The following AMMECR1 variants were observed in gnomAD, a reference collection of about 807,000 sequenced individuals.
AMMECR1 encodes the protein nuclear protein AMMECR1.
In AMMECR1, 3 loss-of-function variants were observed where a neutral mutation model predicts 22.5. The ratio of observed to expected loss-of-function variants is 0.13; its 90% CI spans 0.06 to 0.35. The LOEUF (loss-of-function observed/expected upper bound fraction) is 0.35. Among genes scored for constraint, AMMECR1 ranks in the 10% least tolerant of loss-of-function variants. The pLI, the probability that AMMECR1 is intolerant of heterozygous loss-of-function variation, is 1.00. For missense variants in AMMECR1, 235 were observed against 278.7 expected, an observed-to-expected ratio of 0.84 and a Z score of 1.12; for synonymous variants, 130 against 116.7, an observed-to-expected ratio of 1.11 and a Z score of -0.74.
chrX:110,322,633 GA>G (rs2068083353), upstream of AMMECR1, among the ~76,000 whole-genome samples: 1 of 111,690 alleles, frequency 9.0e-6, no homozygotes, highest in Non-Finnish European at 1.9e-5. Flanking sequence ...AGTCTGTTCT[GA>G]ATTAAGTCTC....
In AMMECR1 at chrX:110,219,994, G is replaced by C. The variant is rs140248737; in HGVS notation, c.585-3362C>G. Among the ~76,000 whole-genome samples the C allele has an allele frequency of 7.8e-3, 870 of 112,011 alleles. 6 individuals are homozygous for C. The highest frequency in any genetic ancestry group is 0.025 in the African/African-American group (770 of 30,903). On this transcript the variant is annotated intron_variant, in intron 2 of 5. Coordinates refer to ENST00000262844, the MANE Select transcript of AMMECR1 (RefSeq NM_015365.3). ...AAAATACAGCTGGAGACTGACCTCA[G>C]AGCTGCCAGGCTGGTGTGGATAGCT...
intron 1 of AMMECR1, among the ~76,000 whole-genome samples, chrX:110,308,606 G>A (rs140883476): frequency 0.022 from 2,479 of 111,079 alleles, 110 homozygotes; most frequent in East Asian, 0.15. Context: ...GAGTGTGGGG[G>A]TAGATGGATC....
intron 3 of AMMECR1, among the ~76,000 whole-genome samples, chrX:110,213,416 A>G (rs966415475): frequency 1.8e-5 from 2 of 112,630 alleles, no homozygotes; most frequent in Non-Finnish European, 3.8e-5. Flanking sequence ...TTCATGGTTC[A>G]TTCATGTTGT....
At chrX:110,205,957 A>C (rs1043043495) in intron 3 of AMMECR1, among the ~76,000 whole-genome samples, 20 of 112,334 alleles carry the variant, frequency 1.8e-4, no homozygotes, top group African/African-American at 5.5e-4. Flanking sequence ...TTCCATAGCA[A>C]GTGATTTTTA....
At chrX:110,223,723 G>T (rs2067516690) in intron 2 of AMMECR1, among the ~76,000 whole-genome samples, 1 of 112,229 alleles carries the variant, frequency 8.9e-6, no homozygotes, top group Non-Finnish European at 1.9e-5. Flanking sequence ...TCAAAAGTGT[G>T]TCTCCAAGGT....
At chrX:110,255,469 T>C (rs1464742374) in intron 2 of AMMECR1, among the ~76,000 whole-genome samples, 1 of 111,899 alleles carries the variant, frequency 8.9e-6, no homozygotes, top group East Asian at 2.8e-4. Flanking sequence ...GTAATGGTCA[T>C]CTTAGAAGAA....
Position 110,198,465 on chromosome X carries a change from G to T in AMMECR1, c.*55C>A, listed in dbSNP as rs1391525692. The T allele has an allele frequency of 2.6e-6, 2 of 774,896 alleles. No individual in the cohort carries two copies. Among genetic ancestry groups the T allele is most frequent in the African/African-American group, 4.3e-5 (2 of 46,174 alleles). 63.9% of individuals were successfully genotyped at this position (774,896 alleles called of 1,213,427 possible). On this transcript the variant is annotated 3_prime_UTR_variant, in exon 6 of 6. Coordinates refer to ENST00000262844, the MANE Select transcript of AMMECR1 (RefSeq NM_015365.3). ...GATAGCTAGACCAAGAAGGTGTAGG[G>T]TCTCCTGGGAAGAGGTCTGCAGAGA...
At chrX:110,268,504 C>T (rs182660647) in intron 1 of AMMECR1, among the ~76,000 whole-genome samples, 42 of 111,801 alleles carry the variant, frequency 3.8e-4, no homozygotes, top group African/African-American at 1.2e-3. Context: ...GATAAGAATC[C>T]GGGAAGTTAA....
At chrX:110,428,137 T>C (rs948100519) in intron 1 of AMMECR1, among the ~76,000 whole-genome samples, 1 of 112,320 alleles carries the variant, frequency 8.9e-6, no homozygotes, top group African/African-American at 3.2e-5. Flanking sequence ...CATGATTCTG[T>C]ACATCCTGTT....
At chrX:110,365,838 G>C (rs2068293716) in intron 2 of AMMECR1, among the ~76,000 whole-genome samples, 2 of 112,124 alleles carry the variant, frequency 1.8e-5, no homozygotes, top group African/African-American at 6.5e-5. Flanking sequence ...GCCAAGCATA[G>C]TGCCTGACAC....
intron 2 of AMMECR1, among the ~76,000 whole-genome samples, chrX:110,396,427 G>A (rs781594074): frequency 1.6e-4 from 17 of 108,841 alleles, no homozygotes; most frequent in East Asian, 5.6e-4. Flanking sequence ...ATACAATGAC[G>A]AAATTATTAT....
chrX:110,279,041 C>A (rs147987949), intron 1 of AMMECR1, among the ~76,000 whole-genome samples: 2,668 of 111,941 alleles, frequency 0.024, 78 homozygotes, highest in African/African-American at 0.083. Context: ...AAAGAAAACA[C>A]AATTTCCCAC....
intron 2 of AMMECR1, among the ~76,000 whole-genome samples, chrX:110,234,989 T>C (rs1336303781): frequency 8.9e-6 from 1 of 112,090 alleles, no homozygotes. Context: ...TGGGATCTAA[T>C]TAAACTAACG....
chrX:110,428,642 C>T (rs1468760383), intron 1 of AMMECR1, among the ~76,000 whole-genome samples: 1 of 110,958 alleles, frequency 9.0e-6, no homozygotes, highest in Non-Finnish European at 1.9e-5. Context: ...CCACAGTCAC[C>T]CTATCCCTCC....
At chrX:110,202,665 C>T (rs1239053617) in intron 3 of AMMECR1, 129 bp from the exon 4 acceptor site, 2 of 446,733 alleles carry the variant, frequency 4.5e-6, no homozygotes, top group Non-Finnish European at 7.5e-6. Context: ...TATAAGTTTT[C>T]TCTTTCCAAA....
Position 110,197,408 on chromosome X carries a change from G to C in AMMECR1, c.*1112C>G, listed in dbSNP as rs1209566320. 9.0e-6 allele frequency: 1 copy of C among 111,301 alleles called. No homozygotes were observed. Among genetic ancestry groups the C allele is most frequent in the African/African-American group, 3.3e-5 (1 of 30,626 alleles). The allele number at this position is 111,301 out of a possible 1,213,427, so 9.2% of individuals were successfully genotyped here. ...TAGATGGTAGCTAAAATGGATTCTA[G>C]CCAATCATGACTTATTGAAACCTAG... On this transcript the variant is annotated 3_prime_UTR_variant, in exon 6 of 6. Transcript: ENST00000262844.
Position 110,346,303 on chromosome X carries a change from C to T in AMMECR1, c.-147-28454G>A, listed in dbSNP as rs192988004. On this transcript the variant is annotated intron_variant, in intron 2 of 7. Transcript: ENST00000372057. ...CATGGATGAGTCAAAAAAAAGTGGACATAGGCTATGAGTAGATTATTCAAA... is the reference window on the plus strand; with the variant it reads ...CATGGATGAGTCAAAAAAAAGTGGATATAGGCTATGAGTAGATTATTCAAA... 1.9e-4 allele frequency among the ~76,000 whole-genome samples: 21 copies of T among 111,642 alleles called. No homozygotes were observed. The East Asian group carries it at 5.6e-3, about 30-fold the overall frequency.
intron 2 of AMMECR1, among the ~76,000 whole-genome samples, chrX:110,225,393 C>T (rs2067527209): frequency 8.9e-6 from 1 of 112,306 alleles, no homozygotes; most frequent in Non-Finnish European, 1.9e-5. Context: ...ATCATCAGCC[C>T]ATTTTTTTCC....
intron 1 of AMMECR1, among the ~76,000 whole-genome samples, chrX:110,293,352 C>A (rs2067918579): frequency 9.0e-6 from 1 of 111,598 alleles, no homozygotes; most frequent in Non-Finnish European, 1.9e-5. Flanking sequence ...TTTAAAGTAT[C>A]CCCACCATCT....
Sources: gnomAD v4.1 joint callset for allele counts (sites outside exome capture counted in the v4.1 genomes callset) on GRCh38, gnomAD v4.1.1 for gene constraint, MANE v1.5 for transcripts, NCBI Gene and HGNC (gene_info 2026-07-23, HGNC 2026-07-21) for gene names.